The following LONRF3 variants were observed in gnomAD, a reference collection of about 807,000 sequenced individuals.
LONRF3 encodes the protein LON peptidase N-terminal domain and RING finger protein 3.
Under a neutral mutation model 51.7 loss-of-function variants are expected in LONRF3, and 19 were observed. The ratio of observed to expected loss-of-function variants is 0.37; its 90% confidence interval spans 0.26 to 0.54. LONRF3 has a LOEUF of 0.54. LONRF3 is among the 20% of genes least tolerant of loss of function. The pLI is 0.86. For synonymous variants in LONRF3, 265 were observed against 257.8 expected (o/e 1.03, Z -0.27); for missense variants, 521 against 623.9 (o/e 0.84, Z 1.76).
At chrX:118,998,755 G>A (rs1027110021) in intron 5 of LONRF3, among the ~76,000 whole-genome samples, 1 of 112,077 alleles carries the variant, frequency 8.9e-6, no homozygotes, top group African/African-American at 3.2e-5. Context: ...GGGCTGGAGT[G>A]CAGTGGTGTG....
intron 5 of LONRF3, among the ~76,000 whole-genome samples, chrX:119,005,522 C>T (rs1924646740): frequency 8.9e-6 from 1 of 111,803 alleles, no homozygotes; most frequent in Non-Finnish European, 1.9e-5. Context: ...AGTAAGCACA[C>T]TAACAATACT....
At position 119,012,859 on chromosome X, in the gene LONRF3, G is replaced by A. The variant is rs539960151; in HGVS notation, c.1812-180G>A. The stretch of plus-strand genomic sequence containing the variant: ...GGTAGCAGTTACACGAATACATTAC[G>A]AATTTTTTTTCTTCACACAGGCACT... On this transcript the variant is annotated intron_variant, in intron 8 of 10. Coordinates refer to ENST00000371628, the MANE Select transcript of LONRF3 (RefSeq NM_001031855.3). The A allele has an allele frequency of 2.0e-5, 24 of 1,173,109 alleles. No individual in the cohort carries two copies. The East Asian group carries it at 4.5e-4, about 22-fold the overall frequency.
intron 7 of LONRF3, among the ~76,000 whole-genome samples, chrX:119,009,958 A>C (rs1486065089): frequency 9.1e-6 from 1 of 110,448 alleles, no homozygotes; most frequent in African/African-American, 3.3e-5. Flanking sequence ...TTTAGTAGAG[A>C]CAGGGCTTCA....
intron 9 of LONRF3, among the ~76,000 whole-genome samples, chrX:119,013,546 A>G (rs1318017366): frequency 8.9e-6 from 1 of 111,875 alleles, no homozygotes; most frequent in Non-Finnish European, 1.9e-5. Context: ...CTATCGATTT[A>G]TGTATATTTT....
In LONRF3 at chrX:119,016,503, G is replaced by T. The variant is rs753336659; in HGVS notation, c.2125-1032G>T. On this transcript the variant is annotated intron_variant, in intron 10 of 10. Transcript: ENST00000371628. The stretch of plus-strand genomic sequence containing the variant: ...GCTGGGACTACAGAAGCCCGCCACC[G>T]CGCCCGGCTAATTTTTTGTATTTTT... 3.4e-4 allele frequency among the ~76,000 whole-genome samples: 37 copies of T among 108,764 alleles called. No individual in the cohort carries two copies. In the East Asian group the frequency reaches 0.01, roughly 30 times the overall value. The allele number at this position is 108,764 out of a possible 115,157, so 94.4% of individuals were successfully genotyped here. A position where few individuals can be genotyped will look rare whatever the true frequency, so the allele number is the denominator to read the frequency against.
intron 5 of LONRF3, among the ~76,000 whole-genome samples, chrX:119,003,810 A>C (rs1924500486): frequency 8.9e-6 from 1 of 112,370 alleles, no homozygotes; most frequent in Non-Finnish European, 1.9e-5. Context: ...TTAGTTGTTT[A>C]ATTTCTTTCA....
intron 10 of LONRF3, among the ~76,000 whole-genome samples, chrX:119,015,923 C>T (rs749899150): frequency 8.9e-6 from 1 of 112,214 alleles, no homozygotes; most frequent in Admixed American, 9.4e-5. Flanking sequence ...GTGTTAATAC[C>T]AGCTTAAATA....
chrX:118,976,173 C>A (rs1455216058), intron 1 of LONRF3, among the ~76,000 whole-genome samples: 1 of 113,127 alleles, frequency 8.8e-6, no homozygotes, highest in African/African-American at 3.2e-5. Flanking sequence ...GGCCGCGGCT[C>A]CCTGTGGGGT....
chrX:118,984,050 T>C (rs976009827), intron 3 of LONRF3, among the ~76,000 whole-genome samples: 7 of 112,099 alleles, frequency 6.2e-5, no homozygotes, highest in Non-Finnish European at 1.1e-4. Flanking sequence ...ATAGCTAACA[T>C]TCGTTGAGAA....
At chrX:118,978,908 G>A (rs867745406) in intron 2 of LONRF3, among the ~76,000 whole-genome samples, 42 of 110,246 alleles carry the variant, frequency 3.8e-4, no homozygotes, top group African/African-American at 1.2e-3. Flanking sequence ...TTAGAACAGT[G>A]TCTGGCATGT....
chrX:118,982,321 G>T (rs996318899), intron 2 of LONRF3, among the ~76,000 whole-genome samples: 5 of 111,656 alleles, frequency 4.5e-5, no homozygotes, highest in African/African-American at 1.3e-4. Flanking sequence ...GGAGAGGTCA[G>T]ATCCCTTCTC....
rs1361661989 is a variant in LONRF3, at chrX:118,997,602, A to G, written c.1415+7042A>G. Among the ~76,000 whole-genome samples the G allele has an allele frequency of 2.7e-5, 3 of 112,601 alleles. No individual in the cohort carries two copies. In the Admixed American group the frequency reaches 2.8e-4, roughly 11 times the overall value. On this transcript the variant is annotated intron_variant, in intron 5 of 10. Transcript: ENST00000371628. ...GAACCGAAAAGCAAATGCAATAAAA[A>G]CAAAGATAAATAGCTGGGACAGCTG...
Position 119,011,124 on chromosome X carries a change from A to G in LONRF3, c.1653-691A>G, listed in dbSNP as rs757146285. The stretch of plus-strand genomic sequence containing the variant: ...GTGAGACTCCGCTTAAAAAAAAAAA[A>G]AAAAAGAAAAAGAAAGACCCTTGGG... On this transcript the variant is annotated intron_variant, in intron 7 of 10. Transcript: ENST00000371628. Among the ~76,000 whole-genome samples the G allele has an allele frequency of 3.0e-3, 331 of 109,632 alleles. 2 individuals carry two copies. The highest frequency in any genetic ancestry group is 0.01 in the African/African-American group (307 of 30,151).
Position 118,975,408 on chromosome X carries a change from C to G in LONRF3, c.628C>G (p.Arg210Gly), listed in dbSNP as rs750778172. ...CTTGATGGTGGCCACTGGGCGGGCG[C>G]GTGGAGCCCGGCGGGCTGGGCAGCA... ...SALMVATGRA[R>G]GARRAGQQPP... Residue 210 changes from arginine to glycine, a missense_variant, in exon 1 of 11, where the codon CGT becomes GGT. Around this residue, in one of 2 missense-constraint regions of LONRF3, gnomAD observed 376 missense variants for 376.7 expected, o/e 1.00. Coordinates refer to ENST00000371628, the MANE Select transcript of LONRF3 (RefSeq NM_001031855.3). 3 of 1,197,807 alleles carry G rather than the reference C, an allele frequency of 2.5e-6. No homozygotes were observed. In the East Asian group the frequency reaches 9.1e-5, roughly 36 times the overall value.
At chrX:119,000,370 G>T (rs1924185015) in intron 5 of LONRF3, among the ~76,000 whole-genome samples, 1 of 112,165 alleles carries the variant, frequency 8.9e-6, no homozygotes, top group Non-Finnish European at 1.9e-5. Flanking sequence ...CAGGGAAAAG[G>T]GTGAAAAGAG....
rs1159630360 is a variant in LONRF3, at chrX:118,991,630, A to G, written c.1415+1070A>G. 4.5e-5 allele frequency among the ~76,000 whole-genome samples: 5 copies of G among 111,911 alleles called. No individual in the cohort carries two copies. In the East Asian group the frequency reaches 1.4e-3, roughly 31 times the overall value. On this transcript the variant is annotated intron_variant, in intron 5 of 10. Transcript: ENST00000371628. Reference sequence around the variant, plus strand: ...TACACAATTTTTTAAAATTGCTTACATGTCTTTGATTTCACAGCTGTGACT... The same window carrying G: ...TACACAATTTTTTAAAATTGCTTACGTGTCTTTGATTTCACAGCTGTGACT...
intron 5 of LONRF3, among the ~76,000 whole-genome samples, chrX:119,000,346 G>T (rs1924183753): frequency 8.9e-6 from 1 of 112,299 alleles, no homozygotes. Flanking sequence ...AGGAGAAGCA[G>T]GTTGTAAGTT....
At chrX:118,978,617 G>C (rs1248706938) in intron 2 of LONRF3, among the ~76,000 whole-genome samples, 154 bp downstream of exon 2, 1 of 111,036 alleles carries the variant, frequency 9.0e-6, no homozygotes, top group East Asian at 2.8e-4. Flanking sequence ...TGGGCAAAGA[G>C]TGACTCAGGT....
chrX:118,985,058 A>G (rs1435109978), intron 3 of LONRF3, among the ~76,000 whole-genome samples: 1 of 112,400 alleles, frequency 8.9e-6, no homozygotes, highest in Non-Finnish European at 1.9e-5. Flanking sequence ...ATTCTCACTG[A>G]GAATTGACCC....
Sources: allele counts gnomAD v4.1 joint callset (sites outside exome capture counted in the v4.1 genomes callset), GRCh38; gene constraint gnomAD v4.1.1; regional missense constraint gnomAD v4.1.1; transcripts MANE v1.5; gene names NCBI Gene and HGNC (gene_info 2026-07-23, HGNC 2026-07-21).